Variants in CENPP observed in about 807,000 individuals in gnomAD.
CENPP encodes centromere protein P.
CENPP carries 24 observed loss-of-function variants against 35.6 expected under a neutral mutation model. The observed-to-expected ratio is 0.67, with a 90% CI of 0.49 to 0.95. The LOEUF is 0.95. Ranked by LOEUF, CENPP falls within the 40% of genes least tolerant of loss-of-function variation. CENPP has a pLI of 0.00. For synonymous variants in CENPP, 120 were observed against 125.5 expected (o/e 0.96, Z 0.29); for missense variants, 332 against 345.3 (o/e 0.96, Z 0.31).
At chr9:92,575,720 G>A (rs1822591243) in intron 5 of CENPP, among the ~76,000 whole-genome samples, 2 of 152,062 alleles carry the variant, frequency 1.3e-5, no homozygotes, top group Non-Finnish European at 2.9e-5. Context: ...GTTGAGACAG[G>A]AGAATTGCGT....
intron 5 of CENPP, among the ~76,000 whole-genome samples, chr9:92,398,504 A>G (rs1842982838): frequency 6.6e-6 from 1 of 151,990 alleles, no homozygotes; most frequent in Non-Finnish European, 1.5e-5. Flanking sequence ...TTTCTTTCTT[A>G]CATGAAAGAC....
At position 92,476,929 on chromosome 9, in the gene CENPP, A is replaced by AT. The variant is rs1306569346; in HGVS notation, c.564+97076dup. Among the ~76,000 whole-genome samples, 1 of 152,072 alleles carries AT rather than the reference A, an allele frequency of 6.6e-6. No individual in the cohort carries two copies. Among genetic ancestry groups the AT allele is most frequent in the Non-Finnish European group, 1.5e-5 (1 of 68,002 alleles). Reference sequence around the variant, plus strand: ...CGTGGCTTCATGGGCATACTCTGTCATTTTTTCTTATCTAACCAGTATACA... The same window carrying AT: ...CGTGGCTTCATGGGCATACTCTGTCATTTTTTTCTTATCTAACCAGTATACA... On this transcript the variant is annotated intron_variant, in intron 5 of 7. Transcript: ENST00000375587. This position sits in a 1 kb window ranked among gnomAD's most constrained non-coding sequence, Gnocchi z 4.1.
chr9:92,605,440 A>G (rs1851050675), intron 5 of CENPP, among the ~76,000 whole-genome samples: 1 of 152,010 alleles, frequency 6.6e-6, no homozygotes, highest in Admixed American at 6.6e-5. Flanking sequence ...CCAGCATCTT[A>G]TGCCACGGTG....
At chr9:92,566,399 G>A (rs1849969492) in intron 5 of CENPP, among the ~76,000 whole-genome samples, 3 of 151,776 alleles carry the variant, frequency 2.0e-5, no homozygotes, top group South Asian at 2.1e-4. Context: ...CCATGAAGAA[G>A]ACCTAATGGC....
At chr9:92,432,065 C>A (rs1844122834) in intron 5 of CENPP, among the ~76,000 whole-genome samples, 1 of 152,178 alleles carries the variant, frequency 6.6e-6, no homozygotes, top group African/African-American at 2.4e-5. Flanking sequence ...TGGCTCACGC[C>A]TGTAATCCCA....
intron 5 of CENPP, among the ~76,000 whole-genome samples, chr9:92,498,477 A>G (rs1846486663): frequency 6.6e-6 from 1 of 152,042 alleles, no homozygotes; most frequent in South Asian, 2.1e-4. Flanking sequence ...AAAAAAGACA[A>G]TCATAGAAGT....
At chr9:92,545,807 G>A (rs1849428682) in intron 5 of CENPP, among the ~76,000 whole-genome samples, 1 of 152,228 alleles carries the variant, frequency 6.6e-6, no homozygotes, top group African/African-American at 2.4e-5. Context: ...CTAGCTCAAG[G>A]TTTGTAAATG....
Position 92,332,157 on chromosome 9 carries a change from AT to A in CENPP, c.108-10del, listed in dbSNP as rs1564261759. 6.4e-7 allele frequency: 1 copy of A among 1,560,568 alleles called. No individual in the cohort carries two copies. On this transcript the variant is annotated splice_polypyrimidine_tract_variant and intron_variant, in intron 1 of 7. Coordinates refer to ENST00000375587, the MANE Select transcript of CENPP (RefSeq NM_001012267.3). ...AGTAATTGGAGTGATTATTTTTGATATTTGCCTTTTAGAAAATCTTTTCAAG... is the reference window on the plus strand; with the variant it reads ...AGTAATTGGAGTGATTATTTTTGATATTGCCTTTTAGAAAATCTTTTCAAG...
At chr9:92,569,964 C>G (rs1850092382) in intron 5 of CENPP, among the ~76,000 whole-genome samples, 1 of 152,160 alleles carries the variant, frequency 6.6e-6, no homozygotes, top group African/African-American at 2.4e-5. Flanking sequence ...TGCTTATCAG[C>G]TTAAGGAGAT....
intron 5 of CENPP, among the ~76,000 whole-genome samples, chr9:92,449,219 G>T (rs936549613): frequency 2.6e-5 from 4 of 151,944 alleles, no homozygotes; most frequent in Non-Finnish European, 4.4e-5. Flanking sequence ...AAGGCGGGCG[G>T]ACACGAGGTC....
At chr9:92,571,174 G>A in intron 5 of CENPP, among the ~76,000 whole-genome samples, 1 of 151,922 alleles carries the variant, frequency 6.6e-6, no homozygotes, top group Admixed American at 6.6e-5. Flanking sequence ...GTGATGTTAG[G>A]GTGTCGATTT....
At chr9:92,405,394 T>C (rs1415956816) in intron 5 of CENPP, among the ~76,000 whole-genome samples, 1 of 152,114 alleles carries the variant, frequency 6.6e-6, no homozygotes, top group East Asian at 1.9e-4. Context: ...ATATATTTTA[T>C]TAAAATAGAA....
chr9:92,508,491 A>G (rs1375048992), intron 5 of CENPP, among the ~76,000 whole-genome samples: 1 of 152,226 alleles, frequency 6.6e-6, no homozygotes, highest in East Asian at 1.9e-4. Flanking sequence ...CATGTTTTAT[A>G]ACATCTCATT....
chr9:92,383,797 G>C (rs184907585), intron 5 of CENPP, among the ~76,000 whole-genome samples: 1 of 151,724 alleles, frequency 6.6e-6, no homozygotes, highest in East Asian at 1.9e-4. Flanking sequence ...TAAAACTACT[G>C]ACTTTTGAAT....
At chr9:92,504,836 C>T (rs1846900859) in intron 5 of CENPP, among the ~76,000 whole-genome samples, 1 of 152,178 alleles carries the variant, frequency 6.6e-6, no homozygotes. Flanking sequence ...ACTGCACGGT[C>T]CACCTCAGTG....
intron 4 of CENPP, among the ~76,000 whole-genome samples, chr9:92,357,699 T>C (rs919428353): frequency 1.6e-4 from 24 of 152,012 alleles, no homozygotes; most frequent in Non-Finnish European, 2.5e-4. Context: ...TGTTTCTCCA[T>C]GTTGGTTAGG....
At chr9:92,429,643 C>T (rs377072077) in intron 5 of CENPP, among the ~76,000 whole-genome samples, 15 of 151,918 alleles carry the variant, frequency 9.9e-5, no homozygotes, top group Admixed American at 2.6e-4. Flanking sequence ...AAAAATTAGC[C>T]GAGCGTGGTG....
At chr9:92,454,201 C>G (rs1373622199) in intron 5 of CENPP, among the ~76,000 whole-genome samples, 1 of 152,052 alleles carries the variant, frequency 6.6e-6, no homozygotes, top group Non-Finnish European at 1.5e-5. Flanking sequence ...TTGTTTTTTG[C>G]AAACTTAAAA....
At chr9:92,371,208 A>G (rs1841997193) in intron 4 of CENPP, among the ~76,000 whole-genome samples, 1 of 152,076 alleles carries the variant, frequency 6.6e-6, no homozygotes. Context: ...TGTTAGATTT[A>G]TAGTTTATAA....
Sources: allele counts gnomAD v4.1 joint callset (sites outside exome capture counted in the v4.1 genomes callset), GRCh38; gene constraint gnomAD v4.1.1; non-coding constraint Gnocchi (gnomAD v3.1); transcripts MANE v1.5; gene names NCBI Gene and HGNC (gene_info 2026-07-23, HGNC 2026-07-21).